The following CACHD1 variants were observed in gnomAD, a reference collection of about 807,000 sequenced individuals.
The protein encoded by CACHD1 is cache domain containing 1, also known as VWFA and cache domain-containing protein 1.
Under a neutral mutation model 138.7 loss-of-function variants are expected in CACHD1, and 71 were observed. The observed-to-expected ratio is 0.51, with a 90% confidence interval of 0.42 to 0.62. The LOEUF (loss-of-function observed/expected upper bound fraction) is 0.62. Among genes scored for constraint, CACHD1 ranks in the 20% least tolerant of loss-of-function variants. The pLI is 0.00. For missense variants in CACHD1, 1,389 were observed against 1,625.3 expected (o/e 0.85, Z 2.50); for synonymous variants, 578 against 591.5 (o/e 0.98, Z 0.33).
At chr1:64,659,016 G>T (rs11208491) in intron 13 of CACHD1, 143 bp downstream of exon 13, 54,040 of 680,556 alleles carry the variant, frequency 0.079, 6,145 homozygotes, top group East Asian at 0.43. Flanking sequence ...ATATGAAAAC[G>T]ATTTGAAGCC....
rs566066698 is a variant in CACHD1, at chr1:64,604,354, T to C, written c.517+1442T>C. The stretch of plus-strand genomic sequence containing the variant: ...TACTAGAAAGGAAGCTAAATGAGAA[T>C]GGTTTTCATTACAAAAATAACAAAA... On this transcript the variant is annotated intron_variant, in intron 4 of 26. Transcript: ENST00000651257. 3.9e-5 allele frequency among the ~76,000 whole-genome samples: 6 copies of C among 152,244 alleles called. No individual in the cohort carries two copies. In the South Asian group the frequency reaches 8.3e-4, roughly 21 times the overall value.
At chr1:64,605,580 G>A (rs1647311553) in intron 4 of CACHD1, among the ~76,000 whole-genome samples, 1 of 152,094 alleles carries the variant, frequency 6.6e-6, no homozygotes, top group Non-Finnish European at 1.5e-5. Flanking sequence ...GATTCTAGAA[G>A]CTCCATTAAC....
intron 1 of CACHD1, among the ~76,000 whole-genome samples, chr1:64,480,530 A>G (rs1426959666): frequency 6.6e-6 from 1 of 152,188 alleles, no homozygotes; most frequent in African/African-American, 2.4e-5. Flanking sequence ...TAAGTTGTTA[A>G]ATACCTAGAA....
chr1:64,632,771 G>A (rs1225079537), intron 6 of CACHD1, 28 bp downstream of exon 6: 1 of 1,613,222 alleles, frequency 6.2e-7, no homozygotes, highest in Non-Finnish European at 8.5e-7. Context: ...GACCCCTATG[G>A]CATCAGGTTC....
At chr1:64,574,681 A>G (rs1373845467) in intron 2 of CACHD1, among the ~76,000 whole-genome samples, 5 of 152,234 alleles carry the variant, frequency 3.3e-5, no homozygotes, top group South Asian at 2.1e-4. Context: ...CGCTTATAAT[A>G]CATTGGATAC....
chr1:64,677,505 TG>T (rs1391705600), intron 22 of CACHD1, among the ~76,000 whole-genome samples: 2 of 152,146 alleles, frequency 1.3e-5, no homozygotes, highest in African/African-American at 4.8e-5. Flanking sequence ...AAAGGGGAGT[TG>T]GTTTTTAGCT....
intron 15 of CACHD1, among the ~76,000 whole-genome samples, chr1:64,665,534 A>G (rs529150581): frequency 3.5e-4 from 53 of 152,322 alleles, no homozygotes; most frequent in African/African-American, 1.1e-3. Context: ...ACTGAGTTCA[A>G]TGTCTCTTTT....
At chr1:64,606,874 G>T (rs1647358642) in intron 4 of CACHD1, among the ~76,000 whole-genome samples, 1 of 152,176 alleles carries the variant, frequency 6.6e-6, no homozygotes, top group African/African-American at 2.4e-5. Flanking sequence ...AGACTTCTAA[G>T]ATCCTTGGCC....
At chr1:64,688,560 G>A (rs559690164) in intron 26 of CACHD1, among the ~76,000 whole-genome samples, 6 of 152,168 alleles carry the variant, frequency 3.9e-5, no homozygotes, top group Non-Finnish European at 5.9e-5. Context: ...CACACACTGC[G>A]ACTGCCCTAC....
chr1:64,492,909 G>GAT (rs1646286583), intron 1 of CACHD1, among the ~76,000 whole-genome samples: 2 of 152,190 alleles, frequency 1.3e-5, no homozygotes, highest in Admixed American at 1.3e-4. Flanking sequence ...GCCCTTGTGA[G>GAT]ATACTTAGCA....
intron 5 of CACHD1, among the ~76,000 whole-genome samples, chr1:64,632,256 GAAAAAA>G (rs55924104): frequency 0.64 from 83,541 of 129,914 alleles, 26,781 homozygotes; most frequent in Non-Finnish European, 0.73. Context: ...GCTTTTTTCT[GAAAAAA>G]AAAAAAAAAA....
intron 3 of CACHD1, among the ~76,000 whole-genome samples, chr1:64,592,140 C>T (rs1446098212): frequency 6.6e-6 from 1 of 152,198 alleles, no homozygotes; most frequent in Non-Finnish European, 1.5e-5. Flanking sequence ...AGTGTTATTA[C>T]AAGCTCTGAT....
chr1:64,633,975 A>G, intron 6 of CACHD1, 69 bp from the exon 7 acceptor site: 1 of 1,287,190 alleles, frequency 7.8e-7, no homozygotes, highest in Non-Finnish European at 1.1e-6. Flanking sequence ...CTTCTGTTAC[A>G]TAAATAAATA....
chr1:64,563,218 A>C (rs1160710138), intron 2 of CACHD1, among the ~76,000 whole-genome samples: 1 of 127,438 alleles, frequency 7.8e-6, no homozygotes, highest in African/African-American at 3.1e-5. Flanking sequence ...CTGAGTTGTT[A>C]TTTGATAATG....
intron 2 of CACHD1, among the ~76,000 whole-genome samples, chr1:64,567,706 A>G (rs1646893527): frequency 6.6e-6 from 1 of 152,180 alleles, no homozygotes; most frequent in South Asian, 2.1e-4. Flanking sequence ...TGTTTTTCAT[A>G]CTTTTTCTGC....
At chr1:64,654,623 C>A in intron 11 of CACHD1, 63 bp from the exon 12 acceptor site, 2 of 1,218,760 alleles carry the variant, frequency 1.6e-6, no homozygotes, top group Non-Finnish European at 2.4e-6. Flanking sequence ...TTCTTCCTTG[C>A]CTTTAATTAA....
At chr1:64,603,061 A>G in intron 4 of CACHD1, 149 bp downstream of exon 4, 1 of 427,854 alleles carries the variant, frequency 2.3e-6, no homozygotes, top group Non-Finnish European at 4.2e-6. Context: ...GTTAACCCTC[A>G]AGAGAGGGAG....
At chr1:64,526,460 G>A (rs148618533) in intron 1 of CACHD1, among the ~76,000 whole-genome samples, 3 of 152,156 alleles carry the variant, frequency 2.0e-5, no homozygotes, top group African/African-American at 7.2e-5. Flanking sequence ...CGTTATTCCC[G>A]GAAGAAAAGG....
intron 7 of CACHD1, among the ~76,000 whole-genome samples, chr1:64,639,012 C>T (rs1206038376): frequency 6.6e-6 from 1 of 152,178 alleles, no homozygotes; most frequent in East Asian, 1.9e-4. Context: ...GCTACCAAAG[C>T]AGCTCAAGGG....
Sources: allele counts gnomAD v4.1 joint callset (sites outside exome capture counted in the v4.1 genomes callset), GRCh38; gene constraint gnomAD v4.1.1; transcripts MANE v1.5; gene names NCBI Gene and HGNC (gene_info 2026-07-23, HGNC 2026-07-21).